The following CRB1 variants were observed in gnomAD, a reference collection of about 807,000 sequenced individuals.
CRB1 encodes protein crumbs homolog 1.
CRB1 carries 83 observed loss-of-function variants against 120.0 expected under a neutral mutation model. That is an observed-to-expected ratio of 0.69 (90% CI 0.58 to 0.83). CRB1 has a LOEUF of 0.83. Among genes scored for constraint, CRB1 ranks in the 40% least tolerant of loss-of-function variants. CRB1 has a pLI of 0.00. For synonymous variants in CRB1, 625 were observed against 612.5 expected, an observed-to-expected ratio of 1.02 and a Z score of -0.30; for missense variants, 1,699 against 1,687.6, an observed-to-expected ratio of 1.01 and a Z score of -0.12.
intron 5 of CRB1, among the ~76,000 whole-genome samples, chr1:197,415,651 T>C (rs1663953562): frequency 7.2e-6 from 1 of 139,256 alleles, no homozygotes; most frequent in African/African-American, 2.7e-5. Context: ...CTTTTTTTTT[T>C]TTTTTTTTTG....
intron 1 of CRB1, among the ~76,000 whole-genome samples, chr1:197,318,118 T>A (rs11806948): frequency 0.075 from 11,410 of 151,842 alleles, 1,465 homozygotes; most frequent in African/African-American, 0.26. Flanking sequence ...GGGGTTAATA[T>A]CCAAAATATA....
chr1:197,423,570 A>T (rs2125475389), intron 6 of CRB1, among the ~76,000 whole-genome samples: 1 of 152,276 alleles, frequency 6.6e-6, no homozygotes, highest in African/African-American at 2.4e-5. Context: ...GTTATCTTGA[A>T]GGAATGTTTC....
chr1:197,207,764 C>T, the CRB1 span, among the ~76,000 whole-genome samples: 10 of 151,904 alleles, frequency 6.6e-5, no homozygotes, highest in East Asian at 1.9e-3. Context: ...TGTTTATGTC[C>T]CTAGCAAAAC....
chr1:197,272,684 T>A (rs991446772), intron 1 of CRB1, among the ~76,000 whole-genome samples: 3 of 152,164 alleles, frequency 2.0e-5, no homozygotes, highest in African/African-American at 7.2e-5. Context: ...CCAGAAAGGC[T>A]ACATATTGTA....
intron 1 of CRB1, among the ~76,000 whole-genome samples, chr1:197,321,703 G>T (rs1029605852): frequency 6.6e-6 from 1 of 152,080 alleles, no homozygotes; most frequent in Non-Finnish European, 1.5e-5. Context: ...CTTCATATAT[G>T]GCATGAAGAA....
chr1:197,357,531 G>A lies in CRB1; in HGVS notation c.1171+518G>A, dbSNP rs1660553228. On this transcript the variant is annotated intron_variant, in intron 5 of 11. Transcript: ENST00000367400. ...AAACCCAGAGGAAATTTGCATGTAT[G>A]TTATCCAATGAACAGTTTTGTATTG... 5.4e-5 allele frequency: 11 copies of A among 202,932 alleles called. No individual in the cohort carries two copies. In the South Asian group the frequency reaches 8.7e-4, roughly 16 times the overall value. 12.6% of individuals were successfully genotyped at this position (202,932 alleles called of 1,614,324 possible).
chr1:197,209,250 G>A, the CRB1 span, among the ~76,000 whole-genome samples: 929 of 152,286 alleles, frequency 6.1e-3, 9 homozygotes, highest in African/African-American at 0.02. Context: ...CCTCTCCCAG[G>A]TTCTGTCCAG....
At chr1:197,405,992 G>A (rs1663368600) in intron 5 of CRB1, among the ~76,000 whole-genome samples, 1 of 151,704 alleles carries the variant, frequency 6.6e-6, no homozygotes, top group South Asian at 2.1e-4. Flanking sequence ...CCCCGTCCGG[G>A]AGGTGAGGGG....
chr1:197,234,522 A>T, the CRB1 span, among the ~76,000 whole-genome samples: 2 of 152,226 alleles, frequency 1.3e-5, no homozygotes, highest in African/African-American at 4.8e-5. Flanking sequence ...TAGAAACAGC[A>T]ATTTTTAGTT....
intron 11 of CRB1, among the ~76,000 whole-genome samples, chr1:197,451,417 T>G (rs1318867780): frequency 2.6e-5 from 4 of 152,230 alleles, no homozygotes; most frequent in Non-Finnish European, 5.9e-5. Context: ...AAGGGAGGAC[T>G]GGGAATGATT....
At chr1:197,348,746 G>C (rs1427282293) in intron 4 of CRB1, among the ~76,000 whole-genome samples, 1 of 152,118 alleles carries the variant, frequency 6.6e-6, no homozygotes, top group African/African-American at 2.4e-5. Flanking sequence ...AAAGTGCTGG[G>C]ATTACAGGCA....
At chr1:197,476,543 C>A (rs184071087) in intron 11 of CRB1, among the ~76,000 whole-genome samples, 242 of 152,178 alleles carry the variant, frequency 1.6e-3, no homozygotes, top group South Asian at 3.7e-3. Context: ...AACTAATGAA[C>A]CACATTTGAG....
intron 11 of CRB1, among the ~76,000 whole-genome samples, chr1:197,477,397 G>T (rs934357133): frequency 3.9e-5 from 6 of 152,122 alleles, no homozygotes; most frequent in Non-Finnish European, 7.3e-5. Context: ...AATCATCTCA[G>T]TCACTGAGAT....
chr1:197,388,065 T>C (rs1435298913), intron 5 of CRB1, among the ~76,000 whole-genome samples: 1 of 152,012 alleles, frequency 6.6e-6, no homozygotes, highest in Non-Finnish European at 1.5e-5. Context: ...AAACATCATT[T>C]TAATGTCTCC....
chr1:197,272,714 T>A (rs915873277), intron 1 of CRB1, among the ~76,000 whole-genome samples: 3 of 152,168 alleles, frequency 2.0e-5, no homozygotes, highest in African/African-American at 7.2e-5. Context: ...TTTTATAGCA[T>A]CCTGTAAAAG....
intron 5 of CRB1, among the ~76,000 whole-genome samples, chr1:197,404,441 C>CA (rs558125777): frequency 0.097 from 5,661 of 58,482 alleles, 911 homozygotes; most frequent in African/African-American, 0.18. Context: ...GACTCCGTCT[C>CA]AAAAAAAAAA....
chr1:197,386,650 T>G (rs1662230965), intron 5 of CRB1, among the ~76,000 whole-genome samples: 1 of 152,188 alleles, frequency 6.6e-6, no homozygotes, highest in African/African-American at 2.4e-5. Context: ...TAATAGTCTA[T>G]ATCGTCTTAA....
At chr1:197,291,085 A>G (rs1055477629) in intron 1 of CRB1, among the ~76,000 whole-genome samples, 2 of 151,850 alleles carry the variant, frequency 1.3e-5, no homozygotes, top group African/African-American at 4.8e-5. Flanking sequence ...TTGCATTTGA[A>G]TAGGTAATAA....
At chr1:197,364,308 G>A (rs1660948118) in intron 5 of CRB1, among the ~76,000 whole-genome samples, 1 of 152,140 alleles carries the variant, frequency 6.6e-6, no homozygotes, top group East Asian at 1.9e-4. Context: ...ACTGCTTTCA[G>A]TATTTTTTCT....
Sources: allele counts gnomAD v4.1 joint callset (sites outside exome capture counted in the v4.1 genomes callset), GRCh38; gene constraint gnomAD v4.1.1; transcripts MANE v1.5; gene names NCBI Gene and HGNC (gene_info 2026-07-23, HGNC 2026-07-21).